Variants in KIT observed in about 807,000 individuals in gnomAD.
The protein encoded by KIT is KIT proto-oncogene, receptor tyrosine kinase.
Under a neutral mutation model 105.7 loss-of-function variants are expected in KIT, and 16 were observed. That is an observed-to-expected ratio of 0.15 (90% CI 0.10 to 0.23). KIT has a LOEUF of 0.23. KIT is among the 10% of genes least tolerant of loss of function. KIT has a pLI of 1.00. For missense variants in KIT, 858 were observed against 1,213.8 expected, an observed-to-expected ratio of 0.71 and a Z score of 4.36; for synonymous variants, 438 against 441.1, an observed-to-expected ratio of 0.99 and a Z score of 0.09.
chr4:54,737,714 C>A (rs1388782410), intron 20 of KIT, among the ~76,000 whole-genome samples: 2 of 152,208 alleles, frequency 1.3e-5, no homozygotes, highest in East Asian at 3.9e-4. Flanking sequence ...TCTGATCAAA[C>A]AAGCATAGCC....
At chr4:54,718,400 C>G (rs1056276575) in intron 7 of KIT, among the ~76,000 whole-genome samples, 1 of 152,184 alleles carries the variant, frequency 6.6e-6, no homozygotes, top group African/African-American at 2.4e-5. Context: ...TTTTGAATGG[C>G]TCACAAACTA....
chr4:54,667,167 G>A (rs549415408), intron 1 of KIT, among the ~76,000 whole-genome samples: 2 of 152,124 alleles, frequency 1.3e-5, no homozygotes, highest in African/African-American at 4.8e-5. Flanking sequence ...GGGTGGATTG[G>A]TTACCCACCA....
intron 4 of KIT, among the ~76,000 whole-genome samples, chr4:54,702,555 T>G (rs1720522998): frequency 6.6e-6 from 1 of 152,146 alleles, no homozygotes; most frequent in Admixed American, 6.5e-5. Context: ...GCATATGTAT[T>G]ATCAGATAAT....
intron 11 of KIT, 64 bp downstream of exon 11, chr4:54,727,606 A>C: frequency 1.3e-6 from 2 of 1,595,624 alleles, no homozygotes; most frequent in Non-Finnish European, 1.7e-6. Context: ...GACTTTAAGG[A>C]ACTCCAGTGG....
intron 16 of KIT, 47 bp downstream of exon 16, chr4:54,732,045 A>ATTTTTTTTTTTT (rs71662297): frequency 2.3e-6 from 2 of 888,854 alleles, no homozygotes; most frequent in Non-Finnish European, 3.1e-6. Context: ...TGTTTTTTTG[A>ATTTTTTTTTTTT]TTTTTTTTTT....
chr4:54,703,916 T>C (rs1286145547), intron 5 of KIT, 24 bp downstream of exon 5: 3 of 1,564,440 alleles, frequency 1.9e-6, no homozygotes, highest in African/African-American at 2.7e-5. Context: ...TGGGAATGTT[T>C]AAATTACTGG....
chr4:54,680,004 T>C (rs1182832552), intron 1 of KIT, among the ~76,000 whole-genome samples: 1 of 151,922 alleles, frequency 6.6e-6, no homozygotes, highest in Non-Finnish European at 1.5e-5. Context: ...TGATCAGGGG[T>C]TGGAGGGAGC....
chr4:54,735,880 A>T (rs1722898000), intron 17 of KIT, among the ~76,000 whole-genome samples: 1 of 152,100 alleles, frequency 6.6e-6, no homozygotes, highest in South Asian at 2.1e-4. Context: ...ATGCTTAGCC[A>T]TTCCTGAGTG....
intron 7 of KIT, among the ~76,000 whole-genome samples, chr4:54,714,837 G>T (rs903902417): frequency 2.0e-5 from 3 of 152,134 alleles, no homozygotes; most frequent in African/African-American, 7.2e-5. Context: ...TGATCCTCAC[G>T]TGGTGGTGAC....
chr4:54,678,934 G>A (rs904318001), intron 1 of KIT, among the ~76,000 whole-genome samples: 3 of 151,902 alleles, frequency 2.0e-5, no homozygotes, highest in Admixed American at 6.6e-5. Context: ...TTGCTAACAT[G>A]ACCCCCTCCC....
chr4:54,722,626 A>G (rs1036734918), intron 7 of KIT, among the ~76,000 whole-genome samples: 11 of 152,004 alleles, frequency 7.2e-5, no homozygotes, highest in South Asian at 2.1e-4. Flanking sequence ...ATTTATTCTT[A>G]GAGGGTTGGA....
At chr4:54,687,001 T>G (rs915701601) in intron 1 of KIT, among the ~76,000 whole-genome samples, 3 of 152,244 alleles carry the variant, frequency 2.0e-5, no homozygotes, top group African/African-American at 7.2e-5. Context: ...GAGGTACCAC[T>G]GGTTTGAGTG....
chr4:54,709,593 C>T (rs750339364), intron 7 of KIT, 54 bp downstream of exon 7: 16 of 1,131,848 alleles, frequency 1.4e-5, no homozygotes, highest in African/African-American at 3.1e-5. Context: ...AGTTGTGGCT[C>T]GTGTTTGTAA....
At chr4:54,691,947 C>T (rs1373590016) in intron 1 of KIT, among the ~76,000 whole-genome samples, 1 of 152,044 alleles carries the variant, frequency 6.6e-6, no homozygotes, top group East Asian at 1.9e-4. Context: ...GAAACTCTTC[C>T]CATACATAGG....
intron 1 of KIT, among the ~76,000 whole-genome samples, chr4:54,672,865 T>C (rs1034213241): frequency 2.0e-5 from 3 of 152,232 alleles, no homozygotes; most frequent in African/African-American, 7.2e-5. Context: ...TCCTGAATTA[T>C]ATGTCCACAA....
chr4:54,695,396 G>A, intron 1 of KIT, 116 bp from the exon 2 acceptor site: 1 of 1,060,758 alleles, frequency 9.4e-7, no homozygotes, highest in South Asian at 1.3e-5. Context: ...TAGCAGGGCA[G>A]CTTTGTCCTA....
intron 1 of KIT, among the ~76,000 whole-genome samples, chr4:54,686,594 G>A (rs1364110781): frequency 6.6e-6 from 1 of 152,068 alleles, no homozygotes; most frequent in Non-Finnish European, 1.5e-5. Context: ...CCTCAGGCTG[G>A]AGTGCAGTGG....
In KIT at chr4:54,725,903, T is replaced by C. The variant is rs2109768485; in HGVS notation, c.1393T>C (p.Ser465Pro). 6.2e-7 allele frequency: 1 copy of C among 1,614,166 alleles called. No individual in the cohort carries two copies. Among genetic ancestry groups the C allele is most frequent in the East Asian group, 2.2e-5 (1 of 44,878 alleles). ...LPVDVQTLNS[S>P]GPPFGKLVVQ... ...AGTGGATGTGCAGACACTAAACTCA[T>C]CTGGGCCACCGTTTGGAAAGCTAGT... is the stretch of plus-strand genomic sequence containing the variant. Residue 465 changes from serine to proline, a missense_variant, in exon 9 of 21, where the codon TCT (serine) becomes CCT (proline). Physicochemically the swap from Ser to Pro is moderately conservative, Grantham distance 74. This residue lies in a region of KIT where 401 missense variants were observed against 601.0 expected (regional missense o/e 0.67). Coordinates refer to ENST00000288135, the MANE Select transcript of KIT (RefSeq NM_000222.3).
intron 1 of KIT, among the ~76,000 whole-genome samples, chr4:54,680,613 G>A (rs901017062): frequency 6.6e-6 from 1 of 151,840 alleles, no homozygotes; most frequent in Non-Finnish European, 1.5e-5. Flanking sequence ...GGCTGGTCTC[G>A]AACTCTTGAC....
Sources: allele counts gnomAD v4.1 joint callset (sites outside exome capture counted in the v4.1 genomes callset), GRCh38; gene constraint gnomAD v4.1.1; regional missense constraint gnomAD v4.1.1; transcripts MANE v1.5; gene names NCBI Gene and HGNC (gene_info 2026-07-23, HGNC 2026-07-21).